CDC73: variants seen among roughly 807,000 people sequenced by gnomAD.
The protein encoded by CDC73 is parafibromin.
A neutral mutation model predicts 83.7 loss-of-function variants in CDC73; 21 were observed. The observed-to-expected ratio is 0.25, with a 90% CI of 0.18 to 0.36. The LOEUF is 0.36. Ranked by LOEUF, CDC73 falls within the 10% of genes least tolerant of loss-of-function variation. CDC73 has a pLI of 1.00. For synonymous variants in CDC73, 224 were observed against 212.9 expected, an observed-to-expected ratio of 1.05 and a Z score of -0.45; for missense variants, 342 against 653.3, an observed-to-expected ratio of 0.52 and a Z score of 5.19.
intron 10 of CDC73, among the ~76,000 whole-genome samples, chr1:193,165,242 C>G (rs548802990): frequency 1.5e-4 from 23 of 152,276 alleles, no homozygotes; most frequent in African/African-American, 5.5e-4. Context: ...AATGAGGCTC[C>G]TTAAACCTCA....
intron 10 of CDC73, among the ~76,000 whole-genome samples, chr1:193,176,171 C>T (rs1676598983): frequency 6.6e-6 from 1 of 152,050 alleles, no homozygotes; most frequent in East Asian, 1.9e-4. Context: ...TGTATCAGGC[C>T]CAGGCAGTCA....
intron 11 of CDC73, among the ~76,000 whole-genome samples, chr1:193,204,215 ATG>A (rs372498889): frequency 0.71 from 101,598 of 143,190 alleles, 36,335 homozygotes; most frequent in South Asian, 0.78. Context: ...GTGTATATAT[ATG>A]TATATATATG....
chr1:193,214,592 G>A (rs1248601767), intron 13 of CDC73, among the ~76,000 whole-genome samples: 1 of 152,164 alleles, frequency 6.6e-6, no homozygotes. Flanking sequence ...GGTGGCAGGT[G>A]CCTGTAGTCC....
At chr1:193,152,649 T>A (rs1378957808) in intron 10 of CDC73, among the ~76,000 whole-genome samples, 1 of 152,198 alleles carries the variant, frequency 6.6e-6, no homozygotes, top group East Asian at 1.9e-4. Flanking sequence ...AAGTTGAATA[T>A]ATGTAAATAA....
intron 14 of CDC73, among the ~76,000 whole-genome samples, chr1:193,235,947 T>C (rs1310315033): frequency 6.6e-6 from 1 of 152,204 alleles, no homozygotes; most frequent in Non-Finnish European, 1.5e-5. Flanking sequence ...GCCACTACTC[T>C]AATTAACAGA....
chr1:193,181,492 C>G (rs201702090), intron 10 of CDC73: 1 of 1,613,048 alleles, frequency 6.2e-7, no homozygotes, highest in Non-Finnish European at 8.5e-7. Context: ...AAGATGAGTG[C>G]GGAACAGAGA....
chr1:193,220,325 G>A (rs1333091619), intron 13 of CDC73, among the ~76,000 whole-genome samples: 4 of 151,662 alleles, frequency 2.6e-5, no homozygotes, highest in African/African-American at 9.7e-5. Flanking sequence ...CACAACACCT[G>A]GTTAATTTTT....
intron 10 of CDC73, among the ~76,000 whole-genome samples, chr1:193,156,142 G>T (rs183160392): frequency 6.6e-6 from 1 of 152,174 alleles, no homozygotes; most frequent in African/African-American, 2.4e-5. Context: ...GTTTTTGTTA[G>T]TTTGCAAGGA....
chr1:193,156,867 G>C (rs1434727303), intron 10 of CDC73, among the ~76,000 whole-genome samples: 1 of 152,034 alleles, frequency 6.6e-6, no homozygotes, highest in Non-Finnish European at 1.5e-5. Flanking sequence ...TGTGTGCCTG[G>C]CAGTGTGCTG....
chr1:193,166,999 C>T (rs1676445437), intron 10 of CDC73, among the ~76,000 whole-genome samples: 1 of 151,986 alleles, frequency 6.6e-6, no homozygotes, highest in African/African-American at 2.4e-5. Flanking sequence ...TTCTCTATGA[C>T]CAAAATTGAT....
In CDC73 at chr1:193,150,500, CCA is replaced by C. The variant is rs1676086132; in HGVS notation, c.907+120_907+121del. ...GTAATGTCTACAGACCAGATCTTAC[CCA>C]CTGCAATTTTTCTTAAATAACATTT... is the stretch of plus-strand genomic sequence containing the variant. On this transcript the variant is annotated intron_variant, in intron 9 of 16. Coordinates refer to ENST00000367435, the MANE Select transcript of CDC73 (RefSeq NM_024529.5). The C allele has an allele frequency of 7.0e-6, 5 of 716,998 alleles. No individual in the cohort carries two copies. The Admixed American group carries it at 1.1e-4, about 16-fold the overall frequency. 44.4% of individuals were successfully genotyped at this position (716,998 alleles called of 1,614,324 possible).
At chr1:193,239,309 T>A (rs1332587108) in intron 15 of CDC73, among the ~76,000 whole-genome samples, 1 of 152,210 alleles carries the variant, frequency 6.6e-6, no homozygotes, top group Non-Finnish European at 1.5e-5. Context: ...CTTTCTGCTT[T>A]CACTCTTCTG....
chr1:193,212,017 A>C (rs1474231356), intron 11 of CDC73, 48 bp from the exon 12 acceptor site: 1 of 1,409,632 alleles, frequency 7.1e-7, no homozygotes, highest in Admixed American at 1.9e-5. Flanking sequence ...TGAAAATAAG[A>C]ATATGGTTTT....
At chr1:193,239,990 C>T (rs1677829704) in intron 15 of CDC73, among the ~76,000 whole-genome samples, 1 of 152,118 alleles carries the variant, frequency 6.6e-6, no homozygotes, top group South Asian at 2.1e-4. Context: ...TTTCATCCCT[C>T]TCCTTCCCTC....
intron 10 of CDC73, 140 bp from the exon 11 acceptor site, chr1:193,203,655 T>TA: frequency 1.4e-6 from 1 of 709,860 alleles, no homozygotes; most frequent in Non-Finnish European, 2.5e-6. Flanking sequence ...CTGTAGGTCA[T>TA]AACATGTTCA....
chr1:193,234,542 A>G (rs1204734226), intron 14 of CDC73, among the ~76,000 whole-genome samples: 2 of 151,844 alleles, frequency 1.3e-5, no homozygotes, highest in African/African-American at 4.8e-5. Flanking sequence ...ATGCTGTAAA[A>G]TACTGCTTGT....
chr1:193,215,593 T>G (rs1434553410), intron 13 of CDC73, among the ~76,000 whole-genome samples: 1 of 133,998 alleles, frequency 7.5e-6, no homozygotes, highest in Admixed American at 7.4e-5. Flanking sequence ...TTAACACAGG[T>G]TTTTTTTTTT....
At chr1:193,214,920 A>G (rs776712826) in intron 13 of CDC73, among the ~76,000 whole-genome samples, 11 of 152,230 alleles carry the variant, frequency 7.2e-5, no homozygotes, top group African/African-American at 1.2e-4. Context: ...TGTTGTTTCA[A>G]CTAACATCTA....
chr1:193,200,706 T>C (rs576431274), intron 10 of CDC73, among the ~76,000 whole-genome samples: 5 of 152,298 alleles, frequency 3.3e-5, no homozygotes, highest in African/African-American at 9.6e-5. Flanking sequence ...AAATATGGAA[T>C]TGTCAGTCTG....
Sources: gnomAD v4.1 joint callset for allele counts (sites outside exome capture counted in the v4.1 genomes callset) on GRCh38, gnomAD v4.1.1 for gene constraint, MANE v1.5 for transcripts, NCBI Gene and HGNC (gene_info 2026-07-23, HGNC 2026-07-21) for gene names.